Variants in PTPN9 observed in about 807,000 individuals in gnomAD.
PTPN9 encodes the protein protein tyrosine phosphatase non-receptor type 9.
Under a neutral mutation model 69.8 loss-of-function variants are expected in PTPN9, and 26 were observed. The observed-to-expected ratio is 0.37, with a 90% CI of 0.27 to 0.52. The LOEUF (loss-of-function observed/expected upper bound fraction) is 0.52. Ranked by LOEUF, PTPN9 falls within the 20% of genes least tolerant of loss-of-function variation. PTPN9 has a pLI of 0.91. For missense variants in PTPN9, 549 were observed against 740.3 expected (o/e 0.74, Z 3.00); for synonymous variants, 274 against 272.5 (o/e 1.01, Z -0.05).
At chr15:75,500,598 AC>A (rs1376029747) in intron 7 of PTPN9, among the ~76,000 whole-genome samples, 1 of 152,152 alleles carries the variant, frequency 6.6e-6, no homozygotes, top group Non-Finnish European at 1.5e-5. Context: ...TTGGATATAA[AC>A]AGGGAGTCTG....
chr15:75,547,401 A>G (rs2075038255), intron 1 of PTPN9, among the ~76,000 whole-genome samples: 1 of 151,812 alleles, frequency 6.6e-6, no homozygotes, highest in South Asian at 2.1e-4. Flanking sequence ...GTTCAAGACC[A>G]CCCTGGCCAA....
chr15:75,496,820 T>G (rs573612167), intron 7 of PTPN9, among the ~76,000 whole-genome samples: 3 of 152,154 alleles, frequency 2.0e-5, no homozygotes, highest in Non-Finnish European at 4.4e-5. Context: ...TATAAGCATT[T>G]TAATTTAGAA....
intron 5 of PTPN9, among the ~76,000 whole-genome samples, chr15:75,513,824 C>T (rs1199093516): frequency 6.6e-6 from 1 of 151,876 alleles, no homozygotes; most frequent in African/African-American, 2.4e-5. Context: ...AAGGGCTGGG[C>T]ACGGTGGCTC....
chr15:75,509,044 T>G lies in PTPN9; in HGVS notation c.529-17A>C, dbSNP rs370618189. On this transcript the variant is annotated splice_polypyrimidine_tract_variant and intron_variant, in intron 5 of 12. Coordinates refer to ENST00000618819, the MANE Select transcript of PTPN9 (RefSeq NM_002833.4). ...AAATGCTCCCTGTGGAGAAAACACA[T>G]GAGGATTTAAGTGTAATGGAACCTG... 5 of 1,601,806 alleles carry G rather than the reference T, an allele frequency of 3.1e-6. No individual in the cohort carries two copies. The highest frequency in any genetic ancestry group is 1.1e-5 in the South Asian group (1 of 90,620).
rs1378332067 is a variant in PTPN9, at chr15:75,565,114, TAATA to T, written c.63+13596_63+13599del. Among the ~76,000 whole-genome samples the T allele has an allele frequency of 1.3e-4, 9 of 69,458 alleles. No homozygotes were observed. The South Asian group carries it at 2.9e-3, about 22-fold the overall frequency. The allele number at this position is 69,458 out of a possible 152,430, so 45.6% of individuals were successfully genotyped here. ...AGACTCCGTCTCAAAAAATATATAATAATAATAATAATAATAATAATAATAATAA... is the reference window on the plus strand; with the variant it reads ...AGACTCCGTCTCAAAAAATATATAATATAATAATAATAATAATAATAATAA... On this transcript the variant is annotated intron_variant, in intron 1 of 12. Transcript: ENST00000618819.
intron 8 of PTPN9, chr15:75,480,762 G>A (rs867685134): frequency 2.4e-5 from 28 of 1,177,142 alleles, no homozygotes; most frequent in African/African-American, 6.6e-5. Flanking sequence ...CTTTGCCGCC[G>A]CGCCGGCGAG....
intron 1 of PTPN9, among the ~76,000 whole-genome samples, chr15:75,530,827 A>T (rs796726155): frequency 4.4e-5 from 4 of 90,762 alleles, no homozygotes; most frequent in Admixed American, 2.0e-4. Context: ...ATATAATATA[A>T]TATATATTAT....
Position 75,486,187 on chromosome 15 carries a change from C to T in PTPN9, c.1062+4021G>A, listed in dbSNP as rs12593372. Among the ~76,000 whole-genome samples the T allele has an allele frequency of 8.3e-3, 1,267 of 152,088 alleles. 34 individuals carry two copies. The East Asian group carries it at 0.1, about 13-fold the overall frequency. ...ATTGGAATAGCAGGAAGAACAAACCCGGAACACTATGTTGTGAGCCATTGC... is the reference window on the plus strand; with the variant it reads ...ATTGGAATAGCAGGAAGAACAAACCTGGAACACTATGTTGTGAGCCATTGC... On this transcript the variant is annotated intron_variant, in intron 8 of 12. Coordinates refer to ENST00000618819, the MANE Select transcript of PTPN9 (RefSeq NM_002833.4).
intron 1 of PTPN9, among the ~76,000 whole-genome samples, chr15:75,570,880 T>G (rs930396413): frequency 6.6e-6 from 1 of 152,182 alleles, no homozygotes; most frequent in African/African-American, 2.4e-5. Flanking sequence ...GAACCTGTAC[T>G]AGGTGATGGT....
At position 75,490,295 on chromosome 15, in the gene PTPN9, T is replaced by C; in HGVS notation, c.975A>G (p.Pro325=). 6.2e-7 allele frequency: 1 copy of C among 1,608,820 alleles called. No homozygotes were observed. The highest frequency in any genetic ancestry group is 8.5e-7 in the Non-Finnish European group (1 of 1,175,184). Residue 325 remains proline (P), a synonymous_variant, in exon 8 of 13, where the codon CCA becomes CCG. Coordinates refer to ENST00000618819, the MANE Select transcript of PTPN9 (RefSeq NM_002833.4). ...CATAACGGTTTTTCTCTAGGTTTCC[T>C]GGAGACCTGAAGGAAACGAAACAAA... is the stretch of plus-strand genomic sequence containing the variant. The part of the protein sequence containing the change: ...PVGTFHCSMS[P]GNLEKNRYGD...
chr15:75,476,625 T>A (rs773343444), intron 9 of PTPN9, among the ~76,000 whole-genome samples: 1 of 152,154 alleles, frequency 6.6e-6, no homozygotes, highest in Non-Finnish European at 1.5e-5. Flanking sequence ...TGGTTAAATA[T>A]TTTGTATGCC....
chr15:75,567,245 T>C (rs2075130499), intron 1 of PTPN9, among the ~76,000 whole-genome samples: 1 of 152,124 alleles, frequency 6.6e-6, no homozygotes, highest in East Asian at 1.9e-4. Flanking sequence ...CTTGAACTCC[T>C]GACCTCAGGT....
chr15:75,501,198 C>A (rs1485394533), intron 7 of PTPN9, among the ~76,000 whole-genome samples: 1 of 152,174 alleles, frequency 6.6e-6, no homozygotes, highest in Non-Finnish European at 1.5e-5. Flanking sequence ...TCAGAACACA[C>A]TGACTACACT....
At chr15:75,536,932 CACTT>C (rs1386748692) in intron 1 of PTPN9, among the ~76,000 whole-genome samples, 2 of 152,158 alleles carry the variant, frequency 1.3e-5, no homozygotes, top group Non-Finnish European at 2.9e-5. Context: ...TGGCACAAAG[CACTT>C]ACTTAATAAA....
At chr15:75,575,704 G>A (rs1170509984) in intron 1 of PTPN9, among the ~76,000 whole-genome samples, 2 of 151,888 alleles carry the variant, frequency 1.3e-5, no homozygotes, top group Non-Finnish European at 2.9e-5. Flanking sequence ...TGGATCATGA[G>A]GTCAGGAGAT....
At chr15:75,509,894 G>A (rs1197603762) in intron 5 of PTPN9, among the ~76,000 whole-genome samples, 2 of 152,220 alleles carry the variant, frequency 1.3e-5, no homozygotes, top group Non-Finnish European at 2.9e-5. Context: ...TAAGGCAGGA[G>A]AATCGCTTGA....
chr15:75,554,025 A>AT (rs896949006), intron 1 of PTPN9, among the ~76,000 whole-genome samples: 5 of 59,746 alleles, frequency 8.4e-5, no homozygotes, highest in African/African-American at 1.3e-4. Context: ...TTTTTTTTTG[A>AT]TTTTTTTTAA....
chr15:75,548,052 T>C lies in PTPN9; in HGVS notation c.64-20791A>G, dbSNP rs139329022. ...TCTCTCAATAGCCCTTAAAGATTGA[T>C]ACTATTATTATCCCTATATTACAGT... On this transcript the variant is annotated intron_variant, in intron 1 of 12. Coordinates refer to ENST00000618819, the MANE Select transcript of PTPN9 (RefSeq NM_002833.4). Among the ~76,000 whole-genome samples the C allele has an allele frequency of 5.7e-3, 870 of 152,232 alleles. 4 individuals are homozygous for C. Among genetic ancestry groups the C allele is most frequent in the South Asian group, 0.024 (118 of 4,820 alleles).
intron 8 of PTPN9, among the ~76,000 whole-genome samples, chr15:75,483,126 T>A (rs1405259328): frequency 6.6e-6 from 1 of 152,210 alleles, no homozygotes; most frequent in African/African-American, 2.4e-5. Flanking sequence ...TCCTTATACA[T>A]GGCTAGTGGT....
Sources: gnomAD v4.1 joint callset for allele counts (sites outside exome capture counted in the v4.1 genomes callset) on GRCh38, gnomAD v4.1.1 for gene constraint, MANE v1.5 for transcripts, NCBI Gene and HGNC (gene_info 2026-07-23, HGNC 2026-07-21) for gene names.